Variants in CDH18 observed in about 807,000 individuals in gnomAD.
CDH18 encodes cadherin 18, also known as cadherin-18.
A neutral mutation model predicts 67.9 loss-of-function variants in CDH18; 31 were observed. The ratio of observed to expected loss-of-function variants is 0.46; its 90% CI spans 0.34 to 0.62. The LOEUF (loss-of-function observed/expected upper bound fraction) is 0.62. CDH18 is among the 20% of genes least tolerant of loss of function. CDH18 has a pLI of 0.01. For synonymous variants in CDH18, 362 were observed against 347.2 expected, an observed-to-expected ratio of 1.04 and a Z score of -0.48; for missense variants, 890 against 975.5, an observed-to-expected ratio of 0.91 and a Z score of 1.17.
chr5:20,153,765 T>C (rs565519913), intron 2 of CDH18, among the ~76,000 whole-genome samples: 178 of 152,220 alleles, frequency 1.2e-3, no homozygotes, highest in African/African-American at 4.2e-3. Context: ...CCTGCTATAT[T>C]TTCCTCTTCT....
chr5:20,253,419 A>G (rs763737175), intron 2 of CDH18, among the ~76,000 whole-genome samples: 2 of 152,216 alleles, frequency 1.3e-5, no homozygotes, highest in African/African-American at 2.4e-5. Flanking sequence ...TGACATAATT[A>G]AAATGATAGA....
chr5:20,264,485 T>A (rs1744886936), intron 1 of CDH18, among the ~76,000 whole-genome samples: 1 of 151,982 alleles, frequency 6.6e-6, no homozygotes, highest in African/African-American at 2.4e-5. Flanking sequence ...AATATATACA[T>A]GTAATATCAA....
At chr5:19,543,063 A>T (rs572507806) in intron 9 of CDH18, among the ~76,000 whole-genome samples, 2 of 152,238 alleles carry the variant, frequency 1.3e-5, no homozygotes, top group South Asian at 4.1e-4. Flanking sequence ...TCATGAATAC[A>T]TCAAAACATT....
intron 1 of CDH18, among the ~76,000 whole-genome samples, chr5:20,313,969 A>G (rs1486135685): frequency 6.6e-6 from 1 of 151,946 alleles, no homozygotes; most frequent in Non-Finnish European, 1.5e-5. Context: ...ATGTATCCCT[A>G]CTTACTTACT....
intron 1 of CDH18, among the ~76,000 whole-genome samples, chr5:20,410,009 A>G (rs952683924): frequency 1.3e-4 from 19 of 151,794 alleles, no homozygotes; most frequent in African/African-American, 4.6e-4. Flanking sequence ...ACTCTCAAAA[A>G]AGAAAAATCT....
At chr5:19,962,395 A>AAAAAAAT (rs58319680) in intron 2 of CDH18, among the ~76,000 whole-genome samples, 2,940 of 116,980 alleles carry the variant, frequency 0.025, 111 homozygotes, top group Non-Finnish European at 0.035. Context: ...AAAAAAAAAA[A>AAAAAAAT]AGAAAATTCA....
chr5:20,063,731 C>T (rs143173692), intron 2 of CDH18, among the ~76,000 whole-genome samples: 116 of 152,260 alleles, frequency 7.6e-4, no homozygotes, highest in South Asian at 2.1e-3. Context: ...ACTAAATGTT[C>T]CTTTTTCAAC....
chr5:19,708,435 T>C (rs1764235610), intron 5 of CDH18, among the ~76,000 whole-genome samples: 1 of 152,058 alleles, frequency 6.6e-6, no homozygotes, highest in Admixed American at 6.6e-5. Flanking sequence ...CCTTTGCTTT[T>C]ATCATCTTGC....
chr5:20,225,049 G>A (rs1157158538), intron 2 of CDH18, among the ~76,000 whole-genome samples: 1 of 152,152 alleles, frequency 6.6e-6, no homozygotes, highest in East Asian at 1.9e-4. Context: ...TTGCTACTCA[G>A]AAGAGAGCCT....
intron 1 of CDH18, among the ~76,000 whole-genome samples, chr5:20,480,210 C>T (rs996213164): frequency 3.3e-5 from 5 of 151,884 alleles, no homozygotes; most frequent in Admixed American, 1.3e-4. Context: ...ATCACACTGG[C>T]AATAGTAAGT....
At chr5:19,630,206 T>TA (rs1389943626) in intron 5 of CDH18, among the ~76,000 whole-genome samples, 4 of 152,112 alleles carry the variant, frequency 2.6e-5, no homozygotes. Flanking sequence ...CCTCCCAAAG[T>TA]GCTGGGAATA....
intron 2 of CDH18, among the ~76,000 whole-genome samples, chr5:19,954,967 G>T (rs1438284372): frequency 6.6e-6 from 1 of 152,008 alleles, no homozygotes; most frequent in Non-Finnish European, 1.5e-5. Flanking sequence ...ACCATGAATT[G>T]TAATAATCCC....
chr5:20,321,914 GT>G (rs1420814203), intron 1 of CDH18, among the ~76,000 whole-genome samples: 1 of 152,024 alleles, frequency 6.6e-6, no homozygotes, highest in African/African-American at 2.4e-5. Flanking sequence ...AAATCCTTCA[GT>G]TTTTACAAAT....
At chr5:19,933,721 T>C (rs1276443854) in intron 2 of CDH18, among the ~76,000 whole-genome samples, 1 of 151,474 alleles carries the variant, frequency 6.6e-6, no homozygotes, top group Admixed American at 6.6e-5. Flanking sequence ...GTTTTCTTCC[T>C]AGTTATTGAA....
At chr5:19,597,101 G>A (rs1746298281) in intron 6 of CDH18, among the ~76,000 whole-genome samples, 1 of 152,160 alleles carries the variant, frequency 6.6e-6, no homozygotes, top group Admixed American at 6.5e-5. Flanking sequence ...ACTCCCTCTT[G>A]TATCACTCTC....
At chr5:20,099,544 C>T (rs945892508) in intron 2 of CDH18, among the ~76,000 whole-genome samples, 2 of 152,050 alleles carry the variant, frequency 1.3e-5, no homozygotes, top group Admixed American at 1.3e-4. Context: ...ATAAATCATA[C>T]ATCTATCTAC....
chr5:19,979,094 A>G (rs1371421020), intron 2 of CDH18, among the ~76,000 whole-genome samples: 1 of 152,110 alleles, frequency 6.6e-6, no homozygotes, highest in Non-Finnish European at 1.5e-5. Flanking sequence ...TTATCTTAGA[A>G]TATAAATATT....
At chr5:20,435,880 T>G (rs1225692776) in intron 1 of CDH18, among the ~76,000 whole-genome samples, 1 of 152,070 alleles carries the variant, frequency 6.6e-6, no homozygotes, top group Non-Finnish European at 1.5e-5. Flanking sequence ...TCAATTTTTG[T>G]GAACTATTTT....
chr5:19,679,424 A>T (rs1450712985), intron 5 of CDH18, among the ~76,000 whole-genome samples: 1 of 152,002 alleles, frequency 6.6e-6, no homozygotes, highest in Non-Finnish European at 1.5e-5. Context: ...TGCCACTCCT[A>T]TTCAACATAG....
Sources: allele counts gnomAD v4.1 joint callset (sites outside exome capture counted in the v4.1 genomes callset), GRCh38; gene constraint gnomAD v4.1.1; transcripts MANE v1.5; gene names NCBI Gene and HGNC (gene_info 2026-07-23, HGNC 2026-07-21).